The following PTPRN2 variants were observed in gnomAD, a reference collection of about 807,000 sequenced individuals.
PTPRN2 encodes protein tyrosine phosphatase receptor type N2.
In PTPRN2, 74 loss-of-function variants were observed where a neutral mutation model predicts 118.8. That is an observed-to-expected ratio of 0.62 (90% CI 0.52 to 0.76). The LOEUF is 0.76. Ranked by LOEUF, PTPRN2 falls within the 30% of genes least tolerant of loss-of-function variation. PTPRN2 has a pLI of 0.00. For missense variants in PTPRN2, 1,481 were observed against 1,394.4 expected, an observed-to-expected ratio of 1.06 and a Z score of -0.99; for synonymous variants, 641 against 608.0, an observed-to-expected ratio of 1.05 and a Z score of -0.80.
intron 11 of PTPRN2, among the ~76,000 whole-genome samples, chr7:157,969,163 G>A (rs1802144430): frequency 6.6e-6 from 1 of 151,466 alleles, no homozygotes; most frequent in African/African-American, 2.4e-5. Context: ...AGGCTGGAGT[G>A]CAATGGTACA....
At chr7:158,164,610 C>A (rs890296237) in intron 6 of PTPRN2, among the ~76,000 whole-genome samples, 3 of 152,122 alleles carry the variant, frequency 2.0e-5, no homozygotes, top group Non-Finnish European at 4.4e-5. Flanking sequence ...CTCACCCTCA[C>A]CCGGCTCTCC....
At chr7:158,216,961 CAT>C (rs1827998487) in intron 3 of PTPRN2, among the ~76,000 whole-genome samples, 1 of 152,170 alleles carries the variant, frequency 6.6e-6, no homozygotes, top group Non-Finnish European at 1.5e-5. Flanking sequence ...AATATAACAA[CAT>C]GTTATAAAAT....
intron 11 of PTPRN2, among the ~76,000 whole-genome samples, chr7:158,021,924 A>T: frequency 6.6e-6 from 1 of 152,326 alleles, no homozygotes; most frequent in East Asian, 1.9e-4. Flanking sequence ...GTATTAAAAT[A>T]AAAAATGAGG....
rs983112458 is a variant in PTPRN2 at position 157,550,623 on chromosome 7, G to A, written c.2903-1604C>T. ...GCTCGTGGTGATGGGAGCCACTGTC[G>A]GGGCTAAGCTGGCCGTCCCTCCAGC... On this transcript the variant is annotated intron_variant, in intron 21 of 22. Transcript: ENST00000389418. This position sits in a 1 kb window ranked among gnomAD's most constrained non-coding sequence, Gnocchi z 5.2. 4.6e-5 allele frequency among the ~76,000 whole-genome samples: 7 copies of A among 152,172 alleles called. No individual in the cohort carries two copies. Among genetic ancestry groups the A allele is most frequent in the East Asian group, 1.9e-4 (1 of 5,174 alleles).
intron 3 of PTPRN2, among the ~76,000 whole-genome samples, chr7:158,244,812 G>A (rs1796107972): frequency 7.1e-6 from 1 of 141,480 alleles, no homozygotes; most frequent in South Asian, 2.4e-4. Context: ...GTGTGTGAGA[G>A]TGTGTATGAG....
At chr7:157,713,515 T>C (rs946514058) in intron 12 of PTPRN2, among the ~76,000 whole-genome samples, 1 of 152,182 alleles carries the variant, frequency 6.6e-6, no homozygotes, top group Admixed American at 6.5e-5. Flanking sequence ...TCTATACTTG[T>C]GATGTCAACA....
At chr7:158,547,831 A>C (rs537304775) in intron 1 of PTPRN2, among the ~76,000 whole-genome samples, 1 of 152,236 alleles carries the variant, frequency 6.6e-6, no homozygotes, top group Non-Finnish European at 1.5e-5. Flanking sequence ...CTCTGTCCCA[A>C]TATCAAGGCA....
At chr7:158,061,095 G>T (rs1810292132) in intron 11 of PTPRN2, among the ~76,000 whole-genome samples, 1 of 152,246 alleles carries the variant, frequency 6.6e-6, no homozygotes, top group African/African-American at 2.4e-5. Flanking sequence ...AGGCGGCTTT[G>T]TCCGTGTCGC....
chr7:157,736,967 T>C (rs1585342285), intron 12 of PTPRN2, among the ~76,000 whole-genome samples: 1 of 152,104 alleles, frequency 6.6e-6, no homozygotes, highest in African/African-American at 2.4e-5. Flanking sequence ...GTAGAGTAAA[T>C]GTGCTCCTGC....
intron 2 of PTPRN2, among the ~76,000 whole-genome samples, chr7:158,319,737 T>C (rs868740831): frequency 0.042 from 263 of 6,276 alleles, 115 homozygotes; most frequent in Non-Finnish European, 0.055. Flanking sequence ...ACACTCACAG[T>C]CTCCCTCACA....
intron 12 of PTPRN2, among the ~76,000 whole-genome samples, chr7:157,849,166 G>A (rs528698834): frequency 1.1e-4 from 17 of 152,278 alleles, no homozygotes; most frequent in African/African-American, 3.6e-4. Context: ...CTGATTCTTC[G>A]GGTTTCCCTC....
At chr7:157,945,766 C>G (rs1296659412) in intron 11 of PTPRN2, among the ~76,000 whole-genome samples, 1 of 114,610 alleles carries the variant, frequency 8.7e-6, no homozygotes, top group African/African-American at 3.1e-5. Flanking sequence ...ACAATGCCGC[C>G]TCCAGCTTGG....
chr7:158,363,955 G>A (rs923736246), intron 2 of PTPRN2, among the ~76,000 whole-genome samples: 1 of 152,138 alleles, frequency 6.6e-6, no homozygotes, highest in Non-Finnish European at 1.5e-5. Context: ...AGACACACAT[G>A]CACATGGGGA....
chr7:157,643,894 C>G (rs1299210760), intron 14 of PTPRN2, among the ~76,000 whole-genome samples: 1 of 152,218 alleles, frequency 6.6e-6, no homozygotes, highest in African/African-American at 2.4e-5. Context: ...AGCCCAGGGC[C>G]CAGACACCGG....
chr7:158,581,908 T>C (rs997336063), intron 1 of PTPRN2, among the ~76,000 whole-genome samples: 1 of 152,260 alleles, frequency 6.6e-6, no homozygotes, highest in Non-Finnish European at 1.5e-5. Flanking sequence ...AGCCTCGTGA[T>C]GTAGAGTGAC....
intron 6 of PTPRN2, among the ~76,000 whole-genome samples, chr7:158,149,059 A>ACACCACGTGTC (rs1432696100): frequency 8.0e-6 from 1 of 124,330 alleles, no homozygotes; most frequent in Non-Finnish European, 1.7e-5. Context: ...ACCCCATCTC[A>ACACCACGTGTC]TGCCACGTGT....
intron 2 of PTPRN2, among the ~76,000 whole-genome samples, chr7:158,319,986 G>C (rs995506356): frequency 1.9e-3 from 15 of 7,798 alleles, no homozygotes; most frequent in South Asian, 5.2e-3. Context: ...CACACACACA[G>C]CCTCCCTCAC....
intron 1 of PTPRN2, among the ~76,000 whole-genome samples, chr7:158,559,008 C>T (rs1827217004): frequency 6.6e-6 from 1 of 152,100 alleles, no homozygotes; most frequent in Non-Finnish European, 1.5e-5. Context: ...CTGGGGGGTC[C>T]AGAGGCCCAG....
chr7:158,248,763 A>G (rs369379068), intron 3 of PTPRN2, among the ~76,000 whole-genome samples: 1 of 7,994 alleles, frequency 1.3e-4, no homozygotes, highest in African/African-American at 9.9e-4. Flanking sequence ...CATCACACAT[A>G]TGTGCACATC....
Sources: allele counts gnomAD v4.1 joint callset (sites outside exome capture counted in the v4.1 genomes callset), GRCh38; gene constraint gnomAD v4.1.1; non-coding constraint Gnocchi (gnomAD v3.1); transcripts MANE v1.5; gene names NCBI Gene and HGNC (gene_info 2026-07-23, HGNC 2026-07-21).